MCFD2: variants seen among roughly 807,000 people sequenced by gnomAD.
MCFD2 encodes the protein multiple coagulation factor deficiency 2, ER cargo receptor complex subunit, also known as multiple coagulation factor deficiency protein 2.
Under a neutral mutation model 12.8 loss-of-function variants are expected in MCFD2, and 11 were observed. The ratio of observed to expected loss-of-function variants is 0.86; its 90% CI spans 0.54 to 1.42. MCFD2 has a LOEUF of 1.42. MCFD2 is among the 40% of genes most tolerant of loss of function. The probability of loss-of-function intolerance (pLI) is 0.00; values close to 1 mark genes in which losing one functional copy is unlikely to be tolerated. For synonymous variants in MCFD2, 70 were observed against 68.1 expected (o/e 1.03, Z -0.14); for missense variants, 191 against 178.6 (o/e 1.07, Z -0.40).
upstream of MCFD2, chr2:46,916,140 C>A: frequency 2.0e-6 from 2 of 985,540 alleles, no homozygotes; most frequent in Non-Finnish European, 2.4e-6. Context: ...AAGCTGGCTC[C>A]CAACTCCGCT....
Position 46,908,444 on chromosome 2 carries a change from A to G in MCFD2, c.150-475T>C, listed in dbSNP as rs1289289566. On this transcript the variant is annotated intron_variant, in intron 2 of 3. Coordinates refer to ENST00000319466, the MANE Select transcript of MCFD2 (RefSeq NM_139279.6). The surrounding 1 kb of genome is among the most constrained non-coding windows in gnomAD (Gnocchi z 4.5). The stretch of plus-strand genomic sequence containing the variant: ...TCCAGCTAATTTTTTGCAATTTTTT[A>G]GTAGAGACAGGTTTTCCCTATATTG... 3.7e-6 allele frequency: 1 copy of G among 268,412 alleles called. No individual in the cohort carries two copies. Among genetic ancestry groups the G allele is most frequent in the Non-Finnish European group, 7.2e-6 (1 of 138,166 alleles). The allele number at this position is 268,412 out of a possible 1,614,324, so 16.6% of individuals were successfully genotyped here. A position where few individuals can be genotyped will look rare whatever the true frequency, so the allele number is the denominator to read the frequency against.
At chr2:46,914,785 G>A (rs529839605) in intron 1 of MCFD2, among the ~76,000 whole-genome samples, 3 of 152,196 alleles carry the variant, frequency 2.0e-5, no homozygotes, top group Non-Finnish European at 4.4e-5. Context: ...AAAGGACAGT[G>A]CCTCAGACAT....
chr2:46,923,215 C>G (rs1479848434), intron 1 of MCFD2, among the ~76,000 whole-genome samples: 1 of 152,200 alleles, frequency 6.6e-6, no homozygotes, highest in Admixed American at 6.5e-5. Context: ...GGCTTTATTA[C>G]ATAGGCACAG....
intron 1 of MCFD2, among the ~76,000 whole-genome samples, chr2:46,926,847 T>C (rs1669409521): frequency 6.6e-6 from 1 of 152,242 alleles, no homozygotes; most frequent in African/African-American, 2.4e-5. Context: ...TGTTAAACAC[T>C]GCTTACTATC....
intron 1 of MCFD2, among the ~76,000 whole-genome samples, chr2:46,939,759 T>G (rs1670178059): frequency 6.6e-6 from 1 of 152,116 alleles, no homozygotes; most frequent in African/African-American, 2.4e-5. Flanking sequence ...CCAACCGCTC[T>G]CTCCAAGTGA....
Position 46,939,479 on chromosome 2 carries a change from A to T in MCFD2, c.-8+2093T>A, listed in dbSNP as rs147475335. On this transcript the variant is annotated intron_variant, in intron 1 of 2. Coordinates refer to the MCFD2 transcript ENST00000409147. ...TGAGCCATGAAGACTGTTCCTCCCCACACTCCTTTATGCCCACACATACAT... is the reference window on the plus strand; with the variant it reads ...TGAGCCATGAAGACTGTTCCTCCCCTCACTCCTTTATGCCCACACATACAT... Among the ~76,000 whole-genome samples the T allele has an allele frequency of 3.3e-4, 50 of 152,296 alleles. No individual in the cohort carries two copies. In the East Asian group the frequency reaches 9.1e-3, roughly 28 times the overall value.
intron 1 of MCFD2, among the ~76,000 whole-genome samples, chr2:46,932,786 A>G (rs753997753): frequency 2.0e-4 from 30 of 151,676 alleles, no homozygotes; most frequent in South Asian, 4.2e-4. Context: ...TTGTAGTCCC[A>G]GCTACTCAAG....
In MCFD2 at chr2:46,940,032, G is replaced by A. The variant is rs868205734; in HGVS notation, c.-8+1540C>T. On this transcript the variant is annotated intron_variant, in intron 1 of 2. Coordinates refer to the MCFD2 transcript ENST00000409147. This position sits in a 1 kb window ranked among gnomAD's most constrained non-coding sequence, Gnocchi z 4.7. Reference sequence around the variant, plus strand: ...TGGAGCTGCATTTAGAACCCGGAGAGGAGGGCCTCCACATGGGAGTCGGGG... The same window carrying A: ...TGGAGCTGCATTTAGAACCCGGAGAAGAGGGCCTCCACATGGGAGTCGGGG... 2.0e-5 allele frequency among the ~76,000 whole-genome samples: 3 copies of A among 152,278 alleles called. No homozygotes were observed. Among genetic ancestry groups the A allele is most frequent in the Middle Eastern group, 3.4e-3 (1 of 294 alleles).
In MCFD2 at chr2:46,907,134, G is replaced by A. The variant is rs182768258; in HGVS notation, c.309+676C>T. On this transcript the variant is annotated intron_variant, in intron 3 of 3. Transcript: ENST00000319466. This position sits in a 1 kb window ranked among gnomAD's most constrained non-coding sequence, Gnocchi z 4.1. The stretch of plus-strand genomic sequence containing the variant: ...CACACAAGCCCTCAATTACTGCCAC[G>A]TCCCTGAATCCCTTGGTGTCAATTC... 5.9e-4 allele frequency: 92 copies of A among 155,642 alleles called. No homozygotes were observed. Among genetic ancestry groups the A allele is most frequent in the Non-Finnish European group, 1.0e-3 (72 of 70,332 alleles). The allele number at this position is 155,642 out of a possible 1,614,324, so 9.6% of individuals were successfully genotyped here.
chr2:46,920,578 G>C (rs1669051374), upstream of MCFD2, among the ~76,000 whole-genome samples: 1 of 151,488 alleles, frequency 6.6e-6, no homozygotes. Context: ...TGATCTGCCT[G>C]CCTCAGCCTC....
At chr2:46,909,915 T>C (rs1209136215) in intron 1 of MCFD2, among the ~76,000 whole-genome samples, 1 of 152,132 alleles carries the variant, frequency 6.6e-6, no homozygotes, top group East Asian at 1.9e-4. Flanking sequence ...GGTTTCAGAA[T>C]GACTCATCTG....
At chr2:46,924,649 T>C (rs1051760169) in intron 1 of MCFD2, among the ~76,000 whole-genome samples, 1 of 152,098 alleles carries the variant, frequency 6.6e-6, no homozygotes, top group Non-Finnish European at 1.5e-5. Context: ...CCCCTGGAGA[T>C]AGGGTCTTGC....
chr2:46,918,531 T>C (rs1668936722), upstream of MCFD2, among the ~76,000 whole-genome samples: 1 of 152,234 alleles, frequency 6.6e-6, no homozygotes, highest in Admixed American at 6.5e-5. Flanking sequence ...GCTGAACCCA[T>C]TCCTAACAGG....
At chr2:46,916,710 C>G (rs34736777), upstream of MCFD2, 6,672 of 164,264 alleles carry the variant, frequency 0.041, 192 homozygotes, top group Middle Eastern at 0.086. Context: ...TCTCGGCTCA[C>G]TGCAACCTCC....
intron 1 of MCFD2, among the ~76,000 whole-genome samples, chr2:46,915,320 G>C (rs937858109): frequency 1.4e-4 from 22 of 152,212 alleles, no homozygotes; most frequent in African/African-American, 5.3e-4. Context: ...CAGGAGATCA[G>C]CTTCCCCCGC....
In MCFD2 at chr2:46,909,161, C is replaced by T; in HGVS notation, c.11G>A (p.Arg4Lys). Residue 4 changes from arginine to lysine, a missense_variant, in exon 2 of 4, where the codon AGA (arginine) becomes AAA (lysine). Physicochemically the swap from Arg to Lys is conservative, Grantham distance 26. Transcript: ENST00000319466. MTMRSLLRTPFLCG... is the reference protein window; with the variant it reads MTMKSLLRTPFLCG... ...CAGGAAGGGGGTTCTGAGCAGGGATCTCATGGTCATCAATATCTGTGAGAT... is the reference window on the plus strand; with the variant it reads ...CAGGAAGGGGGTTCTGAGCAGGGATTTCATGGTCATCAATATCTGTGAGAT... 6.2e-7 allele frequency: 1 copy of T among 1,613,996 alleles called. No homozygotes were observed. Among genetic ancestry groups the T allele is most frequent in the South Asian group, 1.1e-5 (1 of 91,068 alleles).
At chr2:46,917,737 T>C (rs952450989), upstream of MCFD2, among the ~76,000 whole-genome samples, 3 of 152,214 alleles carry the variant, frequency 2.0e-5, no homozygotes, top group Non-Finnish European at 4.4e-5. Context: ...AACTGCAATC[T>C]CCATGCAAAT....
chr2:46,928,240 G>C (rs544590899), intron 1 of MCFD2, among the ~76,000 whole-genome samples: 44 of 151,870 alleles, frequency 2.9e-4, no homozygotes, highest in African/African-American at 9.9e-4. Context: ...CAGTTTTGCA[G>C]CTTAAAATAA....
At chr2:46,934,948 G>A (rs1196277785) in intron 1 of MCFD2, among the ~76,000 whole-genome samples, 7 of 151,218 alleles carry the variant, frequency 4.6e-5, no homozygotes, top group East Asian at 2.0e-4. Context: ...CTACAGGCGC[G>A]CACCACCACG....
Sources: gnomAD v4.1 joint callset for allele counts (sites outside exome capture counted in the v4.1 genomes callset) on GRCh38, gnomAD v4.1.1 for gene constraint, Gnocchi (gnomAD v3.1) non-coding constraint, MANE v1.5 for transcripts, NCBI Gene and HGNC (gene_info 2026-07-23, HGNC 2026-07-21) for gene names.